The following TMEM273 variants were observed in gnomAD, a reference collection of about 807,000 sequenced individuals.
TMEM273 encodes chromosome 10 open reading frame 128.
A neutral mutation model predicts 17.9 loss-of-function variants in TMEM273; 19 were observed. The ratio of observed to expected loss-of-function variants is 1.06; its 90% CI spans 0.74 to 1.55. The LOEUF is 1.55. TMEM273 is among the 40% of genes most tolerant of loss of function. The pLI, the probability that TMEM273 is intolerant of heterozygous loss-of-function variation, is 0.00. For missense variants in TMEM273, 194 were observed against 155.6 expected, an observed-to-expected ratio of 1.25 and a Z score of -1.31; for synonymous variants, 66 against 62.0, an observed-to-expected ratio of 1.07 and a Z score of -0.31.
chr10:49,155,797 C>T lies in TMEM273; in HGVS notation c.*95G>A, dbSNP rs775429071. On this transcript the variant is annotated 3_prime_UTR_variant, in exon 7 of 7. Coordinates refer to ENST00000374153, the MANE Select transcript of TMEM273 (RefSeq NM_001288740.3). ...GTCCATGTGAAAGTTCATTACCAGC[C>T]TTGGGTGTTTGAATGCAGAACATCC... The T allele has an allele frequency of 1.2e-4, 186 of 1,585,680 alleles. No individual in the cohort carries two copies. Among genetic ancestry groups the T allele is most frequent in the Non-Finnish European group, 1.5e-4 (171 of 1,156,214 alleles).
intron 1 of TMEM273, among the ~76,000 whole-genome samples, chr10:49,175,820 T>G (rs893019426): frequency 1.3e-5 from 2 of 151,716 alleles, no homozygotes; most frequent in African/African-American, 4.8e-5. Context: ...AAGACGGGGG[T>G]TCTGGAACAA....
At chr10:49,184,624 G>A (rs1237367640) in intron 1 of TMEM273, among the ~76,000 whole-genome samples, 1 of 152,216 alleles carries the variant, frequency 6.6e-6, no homozygotes, top group Admixed American at 6.5e-5. Flanking sequence ...CAAGAATTGA[G>A]AAGTTGGGCA....
chr10:49,165,277 C>A lies in TMEM273; in HGVS notation c.276G>T (p.Leu92=). 6.4e-7 allele frequency: 1 copy of A among 1,550,554 alleles called. No individual in the cohort carries two copies. The change falls in exon 5 of 7, where the codon CTG becomes CTT. Residue 92 remains leucine, a synonymous_variant. Coordinates refer to ENST00000374153, the MANE Select transcript of TMEM273 (RefSeq NM_001288740.3). ...TGAAGGAAAAGAGGGTCGAGGCTTG[C>A]AGCTTTCTGGCAAAGAGCATTCCAA... The part of the protein sequence containing the change: ...IPLKKRAPRK[L]QASTLFSFKS...
chr10:49,156,264 G>A (rs1013111590), intron 6 of TMEM273: 10 of 1,342,476 alleles, frequency 7.4e-6, no homozygotes, highest in African/African-American at 3.0e-5. Context: ...CAGATGCTAC[G>A]AGGAACAAGA....
chr10:49,173,836 A>C (rs1001236803), intron 1 of TMEM273, among the ~76,000 whole-genome samples: 5 of 152,200 alleles, frequency 3.3e-5, no homozygotes, highest in Admixed American at 6.5e-5. Flanking sequence ...TCAGGATCCA[A>C]GTACAGTTCA....
chr10:49,173,810 C>A (rs1310111790), intron 1 of TMEM273, among the ~76,000 whole-genome samples: 1 of 152,190 alleles, frequency 6.6e-6, no homozygotes, highest in Admixed American at 6.5e-5. Flanking sequence ...AGTGTAAGTA[C>A]TGAGTGGTAC....
intron 1 of TMEM273, 106 bp from the exon 2 acceptor site, chr10:49,168,068 G>T: frequency 1.5e-6 from 2 of 1,349,840 alleles, no homozygotes; most frequent in Non-Finnish European, 2.1e-6. Flanking sequence ...CCCACCAGGA[G>T]CACAGAGGTG....
rs1845446365 is a variant in TMEM273 at position 49,155,289 on chromosome 10, A to G, written c.*603T>C. On this transcript the variant is annotated 3_prime_UTR_variant, in exon 7 of 7. Coordinates refer to ENST00000374153, the MANE Select transcript of TMEM273 (RefSeq NM_001288740.3). ...GCAGCAGGCCCATTCCATGAACACC[A>G]AAGCCCTTCCTACCACGCCAGCCCA... 1 of 153,476 alleles carries G rather than the reference A, an allele frequency of 6.5e-6. No individual in the cohort carries two copies. The highest frequency in any genetic ancestry group is 1.4e-5 in the Non-Finnish European group (1 of 68,994). 9.5% of individuals were successfully genotyped at this position (153,476 alleles called of 1,614,324 possible).
chr10:49,187,040 A>G (rs2132317983), intron 1 of TMEM273, among the ~76,000 whole-genome samples: 2 of 152,344 alleles, frequency 1.3e-5, no homozygotes, highest in East Asian at 3.9e-4. Flanking sequence ...CACATTTTTC[A>G]TTGGATTTCT....
chr10:49,175,516 G>T (rs1156333159), intron 1 of TMEM273, among the ~76,000 whole-genome samples: 1 of 152,238 alleles, frequency 6.6e-6, no homozygotes, highest in Non-Finnish European at 1.5e-5. Context: ...TGACCAGGAG[G>T]TATCAAAACT....
intron 1 of TMEM273, among the ~76,000 whole-genome samples, chr10:49,177,638 T>C (rs533599722): frequency 1.1e-4 from 17 of 152,306 alleles, no homozygotes; most frequent in African/African-American, 3.6e-4. Flanking sequence ...CACAGCAGCA[T>C]GGAGGGTGAA....
intron 1 of TMEM273, chr10:49,178,301 G>T: frequency 2.2e-6 from 1 of 457,112 alleles, no homozygotes; most frequent in Non-Finnish European, 4.4e-6. Flanking sequence ...CATTCTTGCA[G>T]ACTGGCTCCA....
At chr10:49,175,244 C>T (rs191944724) in intron 1 of TMEM273, among the ~76,000 whole-genome samples, 140 of 152,230 alleles carry the variant, frequency 9.2e-4, no homozygotes, top group African/African-American at 3.3e-3. Context: ...GCACTGTGGA[C>T]AGATAAGGTT....
chr10:49,179,762 C>A lies in TMEM273; in HGVS notation c.43+8532G>T, dbSNP rs112610162. On this transcript the variant is annotated intron_variant, in intron 1 of 6. Coordinates refer to ENST00000374153, the MANE Select transcript of TMEM273 (RefSeq NM_001288740.3). ...ATGGGAATTGGAGAAGCTGGCAACC[C>A]TGTAATGCCAATGGGCACAAACACA... 9.5e-4 allele frequency among the ~76,000 whole-genome samples: 144 copies of A among 152,308 alleles called. 1 individual carries two copies. Among genetic ancestry groups the A allele is most frequent in the African/African-American group, 3.3e-3 (136 of 41,558 alleles).
intron 6 of TMEM273, chr10:49,156,306 T>A (rs1026728837): frequency 7.7e-7 from 1 of 1,303,762 alleles, no homozygotes; most frequent in Non-Finnish European, 1.0e-6. Flanking sequence ...AACTGGAAAA[T>A]AATGCCTTCA....
intron 1 of TMEM273, among the ~76,000 whole-genome samples, chr10:49,185,744 C>A (rs955064877): frequency 1.3e-5 from 2 of 151,926 alleles, no homozygotes; most frequent in African/African-American, 4.8e-5. Context: ...TTTTGGAGGC[C>A]GAGGTGGGCG....
rs1305132053 is a variant in TMEM273 at position 49,155,590 on chromosome 10, A to G, written c.*302T>C. ...CCACGGACATGGACACCATGGCCTC[A>G]TGGAAGCATGAACAGCTCCAACACA... On this transcript the variant is annotated 3_prime_UTR_variant, in exon 7 of 7. Coordinates refer to ENST00000374153, the MANE Select transcript of TMEM273 (RefSeq NM_001288740.3). 1 of 494,188 alleles carries G rather than the reference A, an allele frequency of 2.0e-6. No individual in the cohort carries two copies. The highest frequency in any genetic ancestry group is 1.9e-5 in the African/African-American group (1 of 51,384). The allele number at this position is 494,188 out of a possible 1,614,324, so 30.6% of individuals were successfully genotyped here.
At position 49,165,295 on chromosome 10, in the gene TMEM273, C is replaced by T; in HGVS notation, c.270-12G>A. Reference sequence around the variant, plus strand: ...AGGCTTGCAGCTTTCTGGCAAAGAGCATTCCAATTACAGAAAACAGCAAGT... The same window carrying T: ...AGGCTTGCAGCTTTCTGGCAAAGAGTATTCCAATTACAGAAAACAGCAAGT... On this transcript the variant is annotated splice_polypyrimidine_tract_variant and intron_variant, in intron 4 of 6. Transcript: ENST00000374153. 6.4e-7 allele frequency: 1 copy of T among 1,550,558 alleles called. No individual in the cohort carries two copies. The highest frequency in any genetic ancestry group is 8.7e-7 in the Non-Finnish European group (1 of 1,146,992).
intron 1 of TMEM273, among the ~76,000 whole-genome samples, chr10:49,175,310 G>A (rs924078873): frequency 6.6e-6 from 1 of 152,158 alleles, no homozygotes; most frequent in African/African-American, 2.4e-5. Context: ...AGGTGGGAGT[G>A]CTTGGCCACT....
Sources: gnomAD v4.1 joint callset for allele counts (sites outside exome capture counted in the v4.1 genomes callset) on GRCh38, gnomAD v4.1.1 for gene constraint, MANE v1.5 for transcripts, NCBI Gene and HGNC (gene_info 2026-07-23, HGNC 2026-07-21) for gene names.